ESRRG: variants seen among roughly 807,000 people sequenced by gnomAD.
ESRRG encodes estrogen-related receptor gamma.
A neutral mutation model predicts 44.0 loss-of-function variants in ESRRG; 13 were observed. The ratio of observed to expected loss-of-function variants is 0.30; its 90% CI spans 0.19 to 0.47. The LOEUF (loss-of-function observed/expected upper bound fraction) is 0.47, where lower values mean the gene tolerates loss of function less well. Among genes scored for constraint, ESRRG ranks in the 20% least tolerant of loss-of-function variants. ESRRG has a pLI of 1.00. For synonymous variants in ESRRG, 215 were observed against 214.6 expected (o/e 1.00, Z -0.02); for missense variants, 395 against 580.6 (o/e 0.68, Z 3.29).
chr1:217,073,943 C>A (rs565588640), intron 1 of ESRRG, among the ~76,000 whole-genome samples: 5 of 152,040 alleles, frequency 3.3e-5, no homozygotes, highest in Admixed American at 1.3e-4. Context: ...GTAGCATATA[C>A]ACTCCATACT....
At chr1:216,658,068 C>A (rs2071095959) in intron 2 of ESRRG, among the ~76,000 whole-genome samples, 1 of 152,002 alleles carries the variant, frequency 6.6e-6, no homozygotes, top group African/African-American at 2.4e-5. Flanking sequence ...GGCTTTTAAA[C>A]CCTCAGCAAT....
At chr1:217,077,274 G>A (rs1286850949) in intron 1 of ESRRG, among the ~76,000 whole-genome samples, 1 of 152,280 alleles carries the variant, frequency 6.6e-6, no homozygotes, top group Middle Eastern at 3.4e-3. Context: ...AGACTAATCT[G>A]AGAGAAATTA....
chr1:217,106,068 A>T (rs2092590827), intron 1 of ESRRG, among the ~76,000 whole-genome samples: 2 of 152,212 alleles, frequency 1.3e-5, no homozygotes, highest in Admixed American at 6.5e-5. Flanking sequence ...AGCCACAATG[A>T]TACACTTAAT....
chr1:216,866,339 A>G (rs1444792922), intron 2 of ESRRG, among the ~76,000 whole-genome samples: 3 of 152,200 alleles, frequency 2.0e-5, no homozygotes, highest in Non-Finnish European at 4.4e-5. Flanking sequence ...CAACTATAGC[A>G]ATACAATGAC....
intron 3 of ESRRG, among the ~76,000 whole-genome samples, chr1:216,601,886 C>T (rs1220879637): frequency 6.6e-6 from 1 of 152,166 alleles, no homozygotes; most frequent in East Asian, 1.9e-4. Flanking sequence ...AAGTACCCTA[C>T]TTATCTTTAA....
chr1:217,108,456 G>C (rs1051568021), intron 1 of ESRRG, among the ~76,000 whole-genome samples: 1 of 152,108 alleles, frequency 6.6e-6, no homozygotes, highest in Non-Finnish European at 1.5e-5. Flanking sequence ...ATGTGATATA[G>C]TTTGGATGCT....
At chr1:217,057,376 C>G (rs533764211) in intron 1 of ESRRG, among the ~76,000 whole-genome samples, 1 of 152,150 alleles carries the variant, frequency 6.6e-6, no homozygotes, top group African/African-American at 2.4e-5. Flanking sequence ...AGGTCAAGGT[C>G]AAATCCCATA....
At chr1:216,655,507 C>G (rs72737364) in intron 2 of ESRRG, among the ~76,000 whole-genome samples, 1 of 151,978 alleles carries the variant, frequency 6.6e-6, no homozygotes, top group East Asian at 1.9e-4. Flanking sequence ...CTTCCCAGAG[C>G]GACAGCAAAT....
intron 6 of ESRRG, among the ~76,000 whole-genome samples, chr1:216,507,479 TGAC>T (rs2041486259): frequency 6.6e-6 from 1 of 152,196 alleles, no homozygotes; most frequent in Non-Finnish European, 1.5e-5. Flanking sequence ...ATTACAGTCT[TGAC>T]TATTTTATTC....
intron 2 of ESRRG, among the ~76,000 whole-genome samples, chr1:216,904,445 TAAAC>T (rs927026623): frequency 1.6e-4 from 25 of 152,288 alleles, no homozygotes; most frequent in African/African-American, 6.0e-4. Flanking sequence ...TTGCTAAAAT[TAAAC>T]AAAGTCATTG....
At chr1:216,810,127 C>T (rs1240687041) in intron 2 of ESRRG, among the ~76,000 whole-genome samples, 1 of 152,084 alleles carries the variant, frequency 6.6e-6, no homozygotes, top group African/African-American at 2.4e-5. Flanking sequence ...GTGGCGAAAA[C>T]AGAGAAGCAG....
chr1:216,560,274 G>A (rs1441834320), intron 5 of ESRRG, among the ~76,000 whole-genome samples: 1 of 151,850 alleles, frequency 6.6e-6, no homozygotes, highest in African/African-American at 2.4e-5. Flanking sequence ...TGTAACTGAG[G>A]CCCCCCAAAC....
intron 2 of ESRRG, among the ~76,000 whole-genome samples, chr1:216,875,581 T>C (rs1032085460): frequency 6.6e-6 from 1 of 152,080 alleles, no homozygotes; most frequent in Non-Finnish European, 1.5e-5. Flanking sequence ...TATAGCACAG[T>C]GGTTGATTTT....
intron 1 of ESRRG, among the ~76,000 whole-genome samples, chr1:216,984,719 G>A (rs1231136466): frequency 1.3e-5 from 2 of 152,164 alleles, no homozygotes; most frequent in East Asian, 3.9e-4. Flanking sequence ...CCACAGGAGA[G>A]TTATTTGCAT....
intron 2 of ESRRG, among the ~76,000 whole-genome samples, chr1:216,850,320 C>T (rs1483929583): frequency 6.6e-6 from 1 of 151,928 alleles, no homozygotes; most frequent in Admixed American, 6.6e-5. Flanking sequence ...TAATAAATGC[C>T]ACCTATTATG....
intron 2 of ESRRG, among the ~76,000 whole-genome samples, chr1:216,664,069 T>G (rs2073242882): frequency 6.6e-6 from 1 of 152,192 alleles, no homozygotes; most frequent in South Asian, 2.1e-4. Flanking sequence ...TATCTAATCA[T>G]AACATTTGGC....
At chr1:216,742,494 C>A (rs1302819662) in intron 2 of ESRRG, among the ~76,000 whole-genome samples, 2 of 152,132 alleles carry the variant, frequency 1.3e-5, no homozygotes, top group East Asian at 1.9e-4. Context: ...CCCACTAGTA[C>A]CCAGTAGAGT....
intron 1 of ESRRG, among the ~76,000 whole-genome samples, chr1:216,978,041 A>G (rs1418964225): frequency 6.6e-6 from 1 of 152,104 alleles, no homozygotes; most frequent in East Asian, 1.9e-4. Flanking sequence ...ATTGTGAGAA[A>G]TGAATTTATT....
chr1:216,765,327 A>G (rs950712291), intron 2 of ESRRG, among the ~76,000 whole-genome samples: 1 of 151,872 alleles, frequency 6.6e-6, no homozygotes, highest in Non-Finnish European at 1.5e-5. Flanking sequence ...CTATTTACTG[A>G]ATTTTTATTG....
Sources: allele counts gnomAD v4.1 joint callset (sites outside exome capture counted in the v4.1 genomes callset), GRCh38; gene constraint gnomAD v4.1.1; transcripts MANE v1.5; gene names NCBI Gene and HGNC (gene_info 2026-07-23, HGNC 2026-07-21).